The following TRPM8 variants were observed in gnomAD, a reference collection of about 807,000 sequenced individuals.
TRPM8 encodes the protein TRPM8 cationic channel.
Under a neutral mutation model 133.7 loss-of-function variants are expected in TRPM8, and 110 were observed. The ratio of observed to expected loss-of-function variants is 0.82; its 90% CI spans 0.70 to 0.96. The LOEUF is 0.96. Ranked by LOEUF, TRPM8 falls within the 40% of genes least tolerant of loss-of-function variation. The pLI, the probability that TRPM8 is intolerant of heterozygous loss-of-function variation, is 0.00. For synonymous variants in TRPM8, 535 were observed against 532.3 expected, an observed-to-expected ratio of 1.01 and a Z score of -0.07; for missense variants, 1,291 against 1,379.5, an observed-to-expected ratio of 0.94 and a Z score of 1.02.
rs768558083 is a variant in TRPM8, at chr2:233,930,751, T to A, written c.191+10T>A. ...AAGATTCCAAGGCCACGTAAGCTAC[T>A]ATTTTCCCTCCAGTTTTGCTTTCCA... On this transcript the variant is annotated intron_variant, in intron 3 of 25. Transcript: ENST00000324695. 1 of 1,591,356 alleles carries A rather than the reference T, an allele frequency of 6.3e-7. No individual in the cohort carries two copies.
chr2:233,987,940 C>T (rs980105167), intron 21 of TRPM8, among the ~76,000 whole-genome samples: 3 of 151,882 alleles, frequency 2.0e-5, no homozygotes, highest in Admixed American at 6.5e-5. Context: ...GAGGCCTCCC[C>T]AGCCACGTGG....
chr2:233,959,562 C>T (rs561943600), intron 11 of TRPM8, among the ~76,000 whole-genome samples: 51 of 151,840 alleles, frequency 3.4e-4, no homozygotes, highest in East Asian at 1.4e-3. Flanking sequence ...CTGCCCACCT[C>T]GGCCTCCCAA....
intron 5 of TRPM8, among the ~76,000 whole-genome samples, chr2:233,941,428 C>T (rs563533677): frequency 1.3e-5 from 2 of 152,218 alleles, no homozygotes; most frequent in South Asian, 2.1e-4. Context: ...AGGATCACAT[C>T]GTACTTACCT....
chr2:234,000,958 G>A (rs535293177), intron 22 of TRPM8, among the ~76,000 whole-genome samples: 2 of 152,202 alleles, frequency 1.3e-5, no homozygotes, highest in African/African-American at 2.4e-5. Flanking sequence ...GATTATAGGC[G>A]TTAGCTACTG....
At chr2:234,013,758 CAA>C (rs1401818480) in intron 24 of TRPM8, 8 of 152,232 alleles carry the variant, frequency 5.3e-5, no homozygotes, top group Admixed American at 2.6e-4. Context: ...TACCAGAAAA[CAA>C]AGTTATTTAC....
At chr2:234,011,957 AT>A (rs1368490100) in intron 24 of TRPM8, among the ~76,000 whole-genome samples, 1 of 145,190 alleles carries the variant, frequency 6.9e-6, no homozygotes, top group Non-Finnish European at 1.5e-5. Context: ...TCAATGTTTT[AT>A]AATTTCCAGT....
At chr2:233,999,514 C>T (rs1030294584) in intron 22 of TRPM8, among the ~76,000 whole-genome samples, 9 of 151,776 alleles carry the variant, frequency 5.9e-5, no homozygotes, top group Non-Finnish European at 1.0e-4. Context: ...AATCCGTGGC[C>T]CTGTTTGGCC....
At chr2:233,998,408 C>T (rs190742782) in intron 22 of TRPM8, among the ~76,000 whole-genome samples, 2 of 152,220 alleles carry the variant, frequency 1.3e-5, no homozygotes. Context: ...GTGACCATCT[C>T]GTTGTAGTTT....
intron 13 of TRPM8, 76 bp downstream of exon 13, chr2:233,963,453 G>T (rs374117054): frequency 2.4e-6 from 2 of 836,110 alleles, no homozygotes; most frequent in Non-Finnish European, 3.8e-6. Context: ...CTCAAAATTC[G>T]CATGCCTAAT....
intron 2 of TRPM8, among the ~76,000 whole-genome samples, chr2:233,927,025 T>A (rs979243132): frequency 2.0e-5 from 3 of 152,124 alleles, no homozygotes; most frequent in African/African-American, 7.2e-5. Flanking sequence ...GGGAGGTGTG[T>A]CCTTAGCACC....
At chr2:233,993,192 CT>C (rs761937642) in intron 21 of TRPM8, among the ~76,000 whole-genome samples, 3 of 152,170 alleles carry the variant, frequency 2.0e-5, no homozygotes, top group Non-Finnish European at 4.4e-5. Flanking sequence ...TTCACACCCC[CT>C]GGGATGCCCA....
intron 8 of TRPM8, among the ~76,000 whole-genome samples, chr2:233,948,264 C>T (rs1691091740): frequency 6.6e-6 from 1 of 152,100 alleles, no homozygotes; most frequent in Admixed American, 6.5e-5. Flanking sequence ...ATGAAATTTA[C>T]AATTGAGATC....
chr2:233,939,111 C>T lies in TRPM8; in HGVS notation c.462C>T (p.Asn154=), dbSNP rs750308343. 6.2e-6 allele frequency: 10 copies of T among 1,614,216 alleles called. No individual in the cohort carries two copies. Among genetic ancestry groups the T allele is most frequent in the Non-Finnish European group, 7.6e-6 (9 of 1,180,054 alleles). The stretch of plus-strand genomic sequence containing the variant: ...TTTCTGTGACCGGGGGCGCCAAGAA[C>T]TTCGCCCTGAAGCCGCGCATGCGCA... ...LVISVTGGAK[N]FALKPRMRKI... The change falls in exon 5 of 26, where the codon AAC becomes AAT. Residue 154 remains asparagine, a synonymous_variant. Coordinates refer to ENST00000324695, the MANE Select transcript of TRPM8 (RefSeq NM_024080.5).
chr2:233,939,120 G>A lies in TRPM8; in HGVS notation c.471G>A (p.Leu157=), dbSNP rs753338209. 1.9e-6 allele frequency: 3 copies of A among 1,614,060 alleles called. No individual in the cohort carries two copies. The South Asian group carries it at 3.3e-5, about 18-fold the overall frequency. ...SVTGGAKNFA[L]KPRMRKIFSR... is the part of the protein sequence containing the mutation. ...CCGGGGGCGCCAAGAACTTCGCCCTGAAGCCGCGCATGCGCAAGATCTTCA... is the reference window on the plus strand; with the variant it reads ...CCGGGGGCGCCAAGAACTTCGCCCTAAAGCCGCGCATGCGCAAGATCTTCA... Residue 157 remains leucine (L), a synonymous_variant, in exon 5 of 26, where the codon CTG becomes CTA. Coordinates refer to ENST00000324695, the MANE Select transcript of TRPM8 (RefSeq NM_024080.5).
intron 24 of TRPM8, 99 bp downstream of exon 24, chr2:234,008,202 A>G: frequency 2.5e-6 from 3 of 1,222,642 alleles, no homozygotes; most frequent in Non-Finnish European, 3.5e-6. Context: ...AAAAGAAGTT[A>G]TATTCAGCTT....
rs745802827 is a variant in TRPM8, at chr2:233,981,996, C to T, written c.2589+81C>T. Reference sequence around the variant, plus strand: ...TTAATGGTCGATAGGAGGATTTTGTCCTTAGAACGACTGTTGCATTTCACC... The same window carrying T: ...TTAATGGTCGATAGGAGGATTTTGTTCTTAGAACGACTGTTGCATTTCACC... On this transcript the variant is annotated intron_variant, in intron 19 of 25. Coordinates refer to ENST00000324695, the MANE Select transcript of TRPM8 (RefSeq NM_024080.5). 143 of 1,413,212 alleles carry T rather than the reference C, an allele frequency of 1.0e-4. 1 individual carries two copies. The highest frequency in any genetic ancestry group is 1.3e-4 in the Non-Finnish European group (134 of 1,057,736). 87.5% of individuals were successfully genotyped at this position (1,413,212 alleles called of 1,614,324 possible).
At chr2:233,954,743 C>G (rs753635711) in intron 10 of TRPM8, among the ~76,000 whole-genome samples, 1 of 152,140 alleles carries the variant, frequency 6.6e-6, no homozygotes, top group Non-Finnish European at 1.5e-5. Flanking sequence ...AATATTAGCT[C>G]TGGAAAAGAC....
intron 23 of TRPM8, among the ~76,000 whole-genome samples, 159 bp downstream of exon 23, chr2:234,007,111 C>T (rs986559760): frequency 6.6e-6 from 1 of 152,172 alleles, no homozygotes; most frequent in Admixed American, 6.5e-5. Context: ...ATGACAAACG[C>T]GTAAGTGTGT....
chr2:233,984,049 G>A (rs1332273238), intron 20 of TRPM8, among the ~76,000 whole-genome samples: 1 of 152,202 alleles, frequency 6.6e-6, no homozygotes, highest in Non-Finnish European at 1.5e-5. Context: ...CCGCTTTACA[G>A]AAGCAGACGC....
Sources: allele counts gnomAD v4.1 joint callset (sites outside exome capture counted in the v4.1 genomes callset), GRCh38; gene constraint gnomAD v4.1.1; transcripts MANE v1.5; gene names NCBI Gene and HGNC (gene_info 2026-07-23, HGNC 2026-07-21).